The following TBC1D8 variants were observed in gnomAD, a reference collection of about 807,000 sequenced individuals.
TBC1D8 encodes the protein TBC1 domain family member 8, also known as BUB2-like protein 1.
In TBC1D8, 65 loss-of-function variants were observed where a neutral mutation model predicts 118.8. That is an observed-to-expected ratio of 0.55 (90% CI 0.45 to 0.67). TBC1D8 has a LOEUF of 0.67. Ranked by LOEUF, TBC1D8 falls within the 30% of genes least tolerant of loss-of-function variation. The pLI is 0.00. For missense variants in TBC1D8, 1,376 were observed against 1,471.2 expected (o/e 0.94, Z 1.06); for synonymous variants, 566 against 595.8 (o/e 0.95, Z 0.73).
intron 1 of TBC1D8, among the ~76,000 whole-genome samples, chr2:101,132,670 C>T (rs995942232): frequency 6.6e-6 from 1 of 152,138 alleles, no homozygotes; most frequent in African/African-American, 2.4e-5. Flanking sequence ...TTCACTGCAG[C>T]CTCGACCTCT....
At chr2:101,063,234 CT>C (rs1294529700) in intron 2 of TBC1D8, among the ~76,000 whole-genome samples, 38 of 152,256 alleles carry the variant, frequency 2.5e-4, no homozygotes, top group African/African-American at 9.1e-4. Flanking sequence ...CAATATATCC[CT>C]ATGGAATTAA....
rs1371287120 is a variant in TBC1D8 at position 101,050,495 on chromosome 2, C to T, written c.778G>A (p.Glu260Lys). The T allele has an allele frequency of 6.2e-7, 1 of 1,613,926 alleles. No homozygotes were observed. The highest frequency in any genetic ancestry group is 1.1e-5 in the South Asian group (1 of 91,068). Residue 260 changes from glutamate to lysine, a missense_variant, in exon 5 of 20, where the codon GAG becomes AAG. By Grantham distance (56) the Glu-to-Lys change is moderately conservative (BLOSUM62 1). Coordinates refer to ENST00000409318, the MANE Select transcript of TBC1D8 (RefSeq NM_001330348.2). ...CGCAGCGTCACGTCGGCCAGCTGCT[C>T]CATGACCTTAAACACCTCATCCAGG... Reference protein sequence around the residue: ...LNLDEVFKVMEQLADVTLRRL... With the variant: ...LNLDEVFKVMKQLADVTLRRL...
intron 4 of TBC1D8, among the ~76,000 whole-genome samples, 163 bp downstream of exon 4, chr2:101,053,945 C>T (rs1247579963): frequency 1.3e-5 from 2 of 152,138 alleles, no homozygotes; most frequent in African/African-American, 4.8e-5. Context: ...AGATCTAATC[C>T]CCTGCTAGCA....
intron 1 of TBC1D8, among the ~76,000 whole-genome samples, chr2:101,147,934 A>T (rs1370258466): frequency 6.6e-6 from 1 of 152,144 alleles, no homozygotes; most frequent in African/African-American, 2.4e-5. Flanking sequence ...CCAGAGTAGC[A>T]ATATCACTTC....
chr2:101,149,700 G>T (rs2104293080), intron 1 of TBC1D8, among the ~76,000 whole-genome samples: 1 of 152,200 alleles, frequency 6.6e-6, no homozygotes, highest in Non-Finnish European at 1.5e-5. Flanking sequence ...CTGCCTCTTC[G>T]CCTCTTCCCA....
intron 2 of TBC1D8, among the ~76,000 whole-genome samples, chr2:101,075,293 G>T (rs1349655309): frequency 2.6e-5 from 4 of 151,928 alleles, no homozygotes; most frequent in Non-Finnish European, 5.9e-5. Context: ...AGCTACTGGG[G>T]AGGCTGAGAC....
intron 18 of TBC1D8, 193 bp from the exon 19 acceptor site, chr2:101,011,219 C>G (rs1054186831): frequency 1.0e-5 from 7 of 686,130 alleles, no homozygotes; most frequent in African/African-American, 1.8e-5. Flanking sequence ...TAAGAGGACC[C>G]GTGAAACAGC....
chr2:101,091,341 G>A (rs545498598), intron 1 of TBC1D8, among the ~76,000 whole-genome samples: 210 of 152,212 alleles, frequency 1.4e-3, no homozygotes, highest in African/African-American at 4.9e-3. Context: ...CATAAAGCAC[G>A]AAATGTGAGT....
intron 2 of TBC1D8, among the ~76,000 whole-genome samples, chr2:101,083,929 A>G (rs987672003): frequency 1.3e-5 from 2 of 152,198 alleles, no homozygotes; most frequent in African/African-American, 4.8e-5. Context: ...CTAAATTGAT[A>G]CCCTGGGTCC....
intron 11 of TBC1D8, 63 bp downstream of exon 11, chr2:101,032,205 C>T (rs1029000720): frequency 6.9e-7 from 1 of 1,451,956 alleles, no homozygotes. Context: ...TGATGAGAAA[C>T]ATCCTGCCCA....
chr2:101,043,331 G>A (rs1026581022), intron 5 of TBC1D8, among the ~76,000 whole-genome samples: 1 of 152,192 alleles, frequency 6.6e-6, no homozygotes, highest in African/African-American at 2.4e-5. Flanking sequence ...TCCCCAAGCT[G>A]ACTATGTCTG....
At chr2:101,066,639 T>C (rs1289651872) in intron 2 of TBC1D8, among the ~76,000 whole-genome samples, 1 of 152,014 alleles carries the variant, frequency 6.6e-6, no homozygotes, top group African/African-American at 2.4e-5. Context: ...GTCACACAAA[T>C]GTTTTGCCTT....
intron 17 of TBC1D8, chr2:101,018,853 A>C (rs1437782237): frequency 3.1e-6 from 3 of 957,416 alleles, no homozygotes; most frequent in East Asian, 2.8e-5. Flanking sequence ...AAGTCCAATT[A>C]GTATAATTAA....
intron 3 of TBC1D8, among the ~76,000 whole-genome samples, chr2:101,055,501 T>C (rs987758763): frequency 1.3e-5 from 2 of 152,194 alleles, no homozygotes; most frequent in Non-Finnish European, 2.9e-5. Context: ...TAGCCTTAAA[T>C]GGATATTGGC....
At chr2:101,122,399 A>G (rs1678165509) in intron 1 of TBC1D8, among the ~76,000 whole-genome samples, 1 of 127,336 alleles carries the variant, frequency 7.9e-6, no homozygotes, top group African/African-American at 3.5e-5. Flanking sequence ...AAAAAAAAAA[A>G]AAAAAAAAAA....
At chr2:101,148,530 G>A (rs984200140) in intron 1 of TBC1D8, among the ~76,000 whole-genome samples, 11 of 152,198 alleles carry the variant, frequency 7.2e-5, no homozygotes, top group African/African-American at 2.7e-4. Flanking sequence ...AAAAGAGAGA[G>A]AGAGCATGTA....
intron 19 of TBC1D8, among the ~76,000 whole-genome samples, chr2:101,009,984 G>C (rs974663174): frequency 6.6e-6 from 1 of 151,636 alleles, no homozygotes; most frequent in Non-Finnish European, 1.5e-5. Flanking sequence ...ACCACGTCCA[G>C]CTAATTTTTT....
At chr2:101,144,614 A>G (rs973928703) in intron 1 of TBC1D8, among the ~76,000 whole-genome samples, 4 of 152,182 alleles carry the variant, frequency 2.6e-5, no homozygotes, top group African/African-American at 9.7e-5. Context: ...CCATGCTGAA[A>G]GAATTACCAG....
chr2:101,118,506 C>A (rs1465664198), intron 1 of TBC1D8, among the ~76,000 whole-genome samples: 1 of 151,208 alleles, frequency 6.6e-6, no homozygotes, highest in East Asian at 2.0e-4. Flanking sequence ...ACCATCCTGG[C>A]TAACACGGTG....
Sources: gnomAD v4.1 joint callset for allele counts (sites outside exome capture counted in the v4.1 genomes callset) on GRCh38, gnomAD v4.1.1 for gene constraint, MANE v1.5 for transcripts, NCBI Gene and HGNC (gene_info 2026-07-23, HGNC 2026-07-21) for gene names.